Variants in GPC5 observed in about 807,000 individuals in gnomAD.
GPC5 encodes glypican-5.
GPC5 carries 47 observed loss-of-function variants against 53.9 expected under a neutral mutation model. The ratio of observed to expected loss-of-function variants is 0.87; its 90% CI spans 0.69 to 1.11. The LOEUF (loss-of-function observed/expected upper bound fraction) is 1.11, where lower values mean the gene tolerates loss of function less well. GPC5 is among the 50% of genes most tolerant of loss of function. GPC5 has a pLI of 0.00. For synonymous variants in GPC5, 286 were observed against 263.3 expected (o/e 1.09, Z -0.84); for missense variants, 748 against 713.1 (o/e 1.05, Z -0.56).
At chr13:92,613,562 TAA>T (rs1491469500) in intron 7 of GPC5, among the ~76,000 whole-genome samples, 1 of 121,872 alleles carries the variant, frequency 8.2e-6, no homozygotes, top group South Asian at 2.2e-4. Context: ...TTATATACAA[TAA>T]TATATATAAT....
intron 6 of GPC5, among the ~76,000 whole-genome samples, chr13:91,912,004 A>G (rs1484215970): frequency 6.6e-6 from 1 of 152,184 alleles, no homozygotes; most frequent in African/African-American, 2.4e-5. Context: ...CTGGAAGTGT[A>G]TGTTTGTAAG....
intron 5 of GPC5, among the ~76,000 whole-genome samples, chr13:91,866,829 G>T (rs182302105): frequency 2.0e-5 from 3 of 152,250 alleles, no homozygotes; most frequent in Admixed American, 2.0e-4. Flanking sequence ...AATGAATTTT[G>T]CATGTGACTT....
intron 6 of GPC5, among the ~76,000 whole-genome samples, chr13:91,931,872 T>C (rs560034311): frequency 1.3e-5 from 2 of 151,988 alleles, no homozygotes; most frequent in Non-Finnish European, 2.9e-5. Context: ...TGGGAGTGCA[T>C]GAATACTTGC....
At chr13:92,231,664 C>T (rs868758564) in intron 7 of GPC5, among the ~76,000 whole-genome samples, 1 of 149,346 alleles carries the variant, frequency 6.7e-6, no homozygotes, top group Non-Finnish European at 1.5e-5. Context: ...AACCAGAATG[C>T]AAAGTAGAAA....
At chr13:92,419,670 T>C (rs1876473873) in intron 7 of GPC5, among the ~76,000 whole-genome samples, 1 of 152,208 alleles carries the variant, frequency 6.6e-6, no homozygotes, top group Non-Finnish European at 1.5e-5. Context: ...GTTTCTAGAC[T>C]AGCATACTGA....
chr13:92,422,488 T>TCACACA (rs6145177), intron 7 of GPC5, among the ~76,000 whole-genome samples: 1,739 of 133,310 alleles, frequency 0.013, 8 homozygotes, highest in Middle Eastern at 0.019. Context: ...CATCACCATC[T>TCACACA]CACACACACA....
chr13:91,926,712 C>G (rs1284540470), intron 6 of GPC5, among the ~76,000 whole-genome samples: 1 of 152,134 alleles, frequency 6.6e-6, no homozygotes, highest in Non-Finnish European at 1.5e-5. Flanking sequence ...ATATCTGTCC[C>G]TTAGAGATGG....
At chr13:91,850,699 A>G (rs1484139994) in intron 5 of GPC5, among the ~76,000 whole-genome samples, 2 of 151,966 alleles carry the variant, frequency 1.3e-5, no homozygotes, top group African/African-American at 4.8e-5. Context: ...ACCTCACACA[A>G]ATGCCAGTGC....
chr13:92,141,628 G>A (rs2041831363), intron 6 of GPC5, among the ~76,000 whole-genome samples: 1 of 152,114 alleles, frequency 6.6e-6, no homozygotes, highest in African/African-American at 2.4e-5. Context: ...TTCCTGCATA[G>A]CAAATTACTA....
chr13:92,072,892 A>G (rs1280439126), intron 6 of GPC5, among the ~76,000 whole-genome samples: 1 of 152,186 alleles, frequency 6.6e-6, no homozygotes, highest in Admixed American at 6.5e-5. Context: ...TTACTTTTAA[A>G]ATAAATCAAA....
chr13:91,639,949 C>T (rs1397731936), intron 2 of GPC5, among the ~76,000 whole-genome samples: 1 of 151,914 alleles, frequency 6.6e-6, no homozygotes, highest in African/African-American at 2.4e-5. Flanking sequence ...CCTTCAGATT[C>T]CAAGGCTTGG....
chr13:92,535,486 A>AT (rs1881694804), intron 7 of GPC5, among the ~76,000 whole-genome samples: 1 of 152,114 alleles, frequency 6.6e-6, no homozygotes, highest in South Asian at 2.1e-4. Context: ...ACAGGAACTA[A>AT]GGGGGGGTCC....
intron 6 of GPC5, among the ~76,000 whole-genome samples, chr13:92,093,135 C>T (rs1216539726): frequency 1.3e-5 from 2 of 152,052 alleles, no homozygotes; most frequent in Non-Finnish European, 2.9e-5. Context: ...ATTTTTGAGA[C>T]CATTTCAAAG....
At chr13:92,862,067 T>C (rs1034944009) in intron 7 of GPC5, among the ~76,000 whole-genome samples, 3 of 152,184 alleles carry the variant, frequency 2.0e-5, no homozygotes, top group Non-Finnish European at 2.9e-5. Context: ...ATGCTTTGAA[T>C]GTGTAGTGGC....
intron 2 of GPC5, among the ~76,000 whole-genome samples, chr13:91,586,558 A>T (rs1247439602): frequency 2.5e-5 from 1 of 39,956 alleles, no homozygotes; most frequent in Admixed American, 2.9e-4. Context: ...ATATATATAT[A>T]TATGTAGAGA....
chr13:92,255,065 C>G (rs1177049821), intron 7 of GPC5, among the ~76,000 whole-genome samples: 4 of 152,108 alleles, frequency 2.6e-5, no homozygotes, highest in Non-Finnish European at 4.4e-5. Flanking sequence ...AAGTAATTTA[C>G]AGACAATTTA....
intron 7 of GPC5, among the ~76,000 whole-genome samples, chr13:92,261,584 A>G (rs1468576729): frequency 6.6e-6 from 1 of 152,114 alleles, no homozygotes; most frequent in Non-Finnish European, 1.5e-5. Context: ...AGCTTTAAAG[A>G]AATGATTAAG....
At chr13:91,563,824 G>A (rs372212966) in intron 2 of GPC5, among the ~76,000 whole-genome samples, 1 of 151,846 alleles carries the variant, frequency 6.6e-6, no homozygotes, top group South Asian at 2.1e-4. Context: ...TCCTCTCGGA[G>A]GACCCTCTTC....
At chr13:92,193,228 G>A (rs2042235807) in intron 7 of GPC5, among the ~76,000 whole-genome samples, 1 of 152,018 alleles carries the variant, frequency 6.6e-6, no homozygotes, top group African/African-American at 2.4e-5. Context: ...GAAATTTCAA[G>A]AATATTATTA....
Sources: gnomAD v4.1 joint callset for allele counts (sites outside exome capture counted in the v4.1 genomes callset) on GRCh38, gnomAD v4.1.1 for gene constraint, MANE v1.5 for transcripts, NCBI Gene and HGNC (gene_info 2026-07-23, HGNC 2026-07-21) for gene names.